SEMA3E: variants seen among roughly 807,000 people sequenced by gnomAD.
SEMA3E encodes semaphorin-3E.
A neutral mutation model predicts 93.6 loss-of-function variants in SEMA3E; 49 were observed. That is an observed-to-expected ratio of 0.52 (90% CI 0.42 to 0.66). The LOEUF (loss-of-function observed/expected upper bound fraction) is 0.66, where lower values mean the gene tolerates loss of function less well. Among genes scored for constraint, SEMA3E ranks in the 30% least tolerant of loss-of-function variants. The pLI, the probability that SEMA3E is intolerant of heterozygous loss-of-function variation, is 0.00. For missense variants in SEMA3E, 906 were observed against 964.8 expected (o/e 0.94, Z 0.81); for synonymous variants, 363 against 330.7 (o/e 1.10, Z -1.06).
intron 1 of SEMA3E, among the ~76,000 whole-genome samples, chr7:83,552,214 G>C (rs982358068): frequency 2.0e-5 from 3 of 152,276 alleles, no homozygotes; most frequent in Admixed American, 2.0e-4. Context: ...GGACCGGCTG[G>C]AGCCACGGCA....
Position 83,396,715 on chromosome 7 carries a change from G to A in SEMA3E, c.1381C>T (p.Leu461=), listed in dbSNP as rs980366137. The change falls in exon 12 of 17, where the codon CTG becomes TTG. Residue 461 remains leucine (L), a synonymous_variant. Transcript: ENST00000643230. ...LFIGTDNGIV[L]KVITIYNQEM... The stretch of plus-strand genomic sequence containing the variant: ...TGGTTGTAAATTGTGATTACTTTCA[G>A]CACAATTCCATTATCTGTAAGAAAA... The A allele has an allele frequency of 7.5e-6, 12 of 1,595,058 alleles. No individual in the cohort carries two copies. The Admixed American group carries it at 1.7e-4, about 22-fold the overall frequency.
chr7:83,364,907 TC>T lies in SEMA3E; in HGVS notation c.*2678del, dbSNP rs1281231060. On this transcript the variant is annotated 3_prime_UTR_variant, in exon 17 of 17. Coordinates refer to ENST00000643230, the MANE Select transcript of SEMA3E (RefSeq NM_012431.3). ...TTAATTCCTCCAAGTCTTGTAGGTATCTAAGTATGTGCCCTCCCTGAGTTCA... is the reference window on the plus strand; with the variant it reads ...TTAATTCCTCCAAGTCTTGTAGGTATTAAGTATGTGCCCTCCCTGAGTTCA... 1 of 152,224 alleles carries T rather than the reference TC, an allele frequency of 6.6e-6. No individual in the cohort carries two copies. Among genetic ancestry groups the T allele is most frequent in the African/African-American group, 2.4e-5 (1 of 41,458 alleles). The allele number at this position is 152,224 out of a possible 1,614,324, so 9.4% of individuals were successfully genotyped here.
intron 5 of SEMA3E, among the ~76,000 whole-genome samples, chr7:83,409,809 T>C (rs570431612): frequency 1.6e-4 from 24 of 151,744 alleles, no homozygotes; most frequent in African/African-American, 5.5e-4. Flanking sequence ...TATGAAGGAC[T>C]TTTTTCCCAA....
intron 1 of SEMA3E, among the ~76,000 whole-genome samples, chr7:83,494,332 T>C (rs1790445770): frequency 6.6e-6 from 1 of 151,762 alleles, no homozygotes; most frequent in Admixed American, 6.6e-5. Context: ...TATCTAGTAT[T>C]AAGAACTAAG....
chr7:83,487,319 G>A (rs1383187485), intron 2 of SEMA3E, among the ~76,000 whole-genome samples: 2 of 152,052 alleles, frequency 1.3e-5, no homozygotes, highest in South Asian at 4.1e-4. Flanking sequence ...GTGGATTCCA[G>A]GGAACCACTC....
intron 2 of SEMA3E, among the ~76,000 whole-genome samples, chr7:83,473,646 TA>T (rs1258502093): frequency 6.6e-6 from 1 of 152,218 alleles, no homozygotes; most frequent in Non-Finnish European, 1.5e-5. Flanking sequence ...AATGCAACAC[TA>T]GGCATGCATT....
chr7:83,633,979 A>C (rs1382326240), intron 1 of SEMA3E, among the ~76,000 whole-genome samples: 1 of 152,156 alleles, frequency 6.6e-6, no homozygotes, highest in African/African-American at 2.4e-5. Flanking sequence ...CAAAACAACC[A>C]ATGGCAATTT....
chr7:83,378,636 C>T lies in SEMA3E; in HGVS notation c.1875+6658G>A, dbSNP rs1379537003. 2.6e-5 allele frequency among the ~76,000 whole-genome samples: 4 copies of T among 151,772 alleles called. No homozygotes were observed. In the South Asian group the frequency reaches 6.2e-4, roughly 24 times the overall value. ...ACATTATCCCTGGAAACTTGGTCCT[C>T]GTTTTATGCATTGTTCAAAGAATAT... is the stretch of plus-strand genomic sequence containing the variant. On this transcript the variant is annotated intron_variant, in intron 16 of 16. Coordinates refer to ENST00000643230, the MANE Select transcript of SEMA3E (RefSeq NM_012431.3).
intron 16 of SEMA3E, among the ~76,000 whole-genome samples, chr7:83,381,607 C>G (rs972930478): frequency 1.3e-5 from 2 of 151,650 alleles, no homozygotes; most frequent in East Asian, 3.9e-4. Flanking sequence ...TTATTATTTT[C>G]TTTCCACATT....
At chr7:83,595,845 T>C (rs1052207164) in intron 1 of SEMA3E, among the ~76,000 whole-genome samples, 1 of 152,106 alleles carries the variant, frequency 6.6e-6, no homozygotes, top group Non-Finnish European at 1.5e-5. Flanking sequence ...CTGCCAGGTT[T>C]CTCCACTGAA....
At chr7:83,591,606 A>C (rs1195600174) in intron 1 of SEMA3E, among the ~76,000 whole-genome samples, 2 of 152,034 alleles carry the variant, frequency 1.3e-5, no homozygotes, top group Non-Finnish European at 2.9e-5. Flanking sequence ...TTAATAGAAT[A>C]GGAGAAAATT....
At chr7:83,622,368 A>G (rs1318114432) in intron 1 of SEMA3E, among the ~76,000 whole-genome samples, 2 of 152,178 alleles carry the variant, frequency 1.3e-5, no homozygotes, top group Admixed American at 6.6e-5. Context: ...ACAAATGCTT[A>G]TACACTGTTA....
intron 1 of SEMA3E, among the ~76,000 whole-genome samples, chr7:83,564,120 C>G (rs1792092377): frequency 6.6e-6 from 1 of 152,108 alleles, no homozygotes; most frequent in Non-Finnish European, 1.5e-5. Context: ...GCAGTGAACT[C>G]ACTTTCTCTA....
At chr7:83,371,324 G>T (rs1279011555) in intron 16 of SEMA3E, among the ~76,000 whole-genome samples, 1 of 152,080 alleles carries the variant, frequency 6.6e-6, no homozygotes, top group African/African-American at 2.4e-5. Flanking sequence ...AAGTTTCAAG[G>T]TCACTTGAAT....
intron 1 of SEMA3E, among the ~76,000 whole-genome samples, chr7:83,577,630 G>A (rs1268367992): frequency 6.6e-6 from 1 of 152,250 alleles, no homozygotes. Context: ...CAAACTGGAT[G>A]CAATTGATAT....
At chr7:83,478,965 A>T (rs1209442753) in intron 2 of SEMA3E, among the ~76,000 whole-genome samples, 1 of 152,200 alleles carries the variant, frequency 6.6e-6, no homozygotes. Flanking sequence ...CTGCTGCCAA[A>T]GTAATCACTA....
chr7:83,604,551 C>T (rs1015725961), intron 1 of SEMA3E, among the ~76,000 whole-genome samples: 1 of 149,398 alleles, frequency 6.7e-6, no homozygotes, highest in East Asian at 2.0e-4. Flanking sequence ...TATGTACATA[C>T]ACATACATAC....
intron 4 of SEMA3E, among the ~76,000 whole-genome samples, chr7:83,439,721 T>G (rs1468590522): frequency 6.6e-6 from 1 of 152,220 alleles, no homozygotes; most frequent in Non-Finnish European, 1.5e-5. Context: ...CCTTTCTTCT[T>G]GCTTCTGATT....
rs185503005 is a variant in SEMA3E at position 83,368,097 on chromosome 7, T to A, written c.1876-59A>T. 2.0e-5 allele frequency: 29 copies of A among 1,480,574 alleles called. No individual in the cohort carries two copies. In the Admixed American group the frequency reaches 3.7e-4, roughly 19 times the overall value. 91.7% of individuals were successfully genotyped at this position (1,480,574 alleles called of 1,614,324 possible). A position where few individuals can be genotyped will look rare whatever the true frequency, so the allele number is the denominator to read the frequency against. On this transcript the variant is annotated intron_variant, in intron 16 of 16. Coordinates refer to ENST00000643230, the MANE Select transcript of SEMA3E (RefSeq NM_012431.3). The stretch of plus-strand genomic sequence containing the variant: ...ACACAGGAGAGAAAATAACAATCCA[T>A]CACCCTTTCCACTACCTATCTTGAA...
Sources: gnomAD v4.1 joint callset for allele counts (sites outside exome capture counted in the v4.1 genomes callset) on GRCh38, gnomAD v4.1.1 for gene constraint, MANE v1.5 for transcripts, NCBI Gene and HGNC (gene_info 2026-07-23, HGNC 2026-07-21) for gene names.